The following IL21R variants were observed in gnomAD, a reference collection of about 807,000 sequenced individuals.
IL21R encodes the protein interleukin-21 receptor.
In IL21R, 14 loss-of-function variants were observed where a neutral mutation model predicts 41.3. The ratio of observed to expected loss-of-function variants is 0.34; its 90% CI spans 0.22 to 0.53. The LOEUF is 0.53. Ranked by LOEUF, IL21R falls within the 20% of genes least tolerant of loss-of-function variation. The pLI is 0.94. For synonymous variants in IL21R, 286 were observed against 287.6 expected, an observed-to-expected ratio of 0.99 and a Z score of 0.05; for missense variants, 588 against 681.6, an observed-to-expected ratio of 0.86 and a Z score of 1.53.
At chr16:27,418,006 ATTTTATTTAT>A (rs1374516737) in intron 1 of IL21R, among the ~76,000 whole-genome samples, 971 of 86,526 alleles carry the variant, frequency 0.011, 8 homozygotes, top group Admixed American at 0.024. Context: ...CATTTTTCCT[ATTTTATTTAT>A]TTTATTTTAT....
intron 4 of IL21R, among the ~76,000 whole-genome samples, chr16:27,439,619 T>TCA (rs3093350): frequency 0.15 from 22,097 of 150,976 alleles, 2,209 homozygotes; most frequent in African/African-American, 0.28. Flanking sequence ...ACGTGTACAC[T>TCA]CATGCACAGA....
intron 1 of IL21R, among the ~76,000 whole-genome samples, chr16:27,418,417 G>A (rs1310070375): frequency 2.0e-5 from 3 of 151,658 alleles, no homozygotes; most frequent in South Asian, 4.2e-4. Flanking sequence ...CACCCAGGCT[G>A]GAGTGCAGTG....
rs976531185 is a variant in IL21R at position 27,424,000 on chromosome 16, C to A, written c.-16-6056C>A. Among the ~76,000 whole-genome samples the A allele has an allele frequency of 2.0e-5, 3 of 152,174 alleles. No individual in the cohort carries two copies. In the South Asian group the frequency reaches 6.2e-4, roughly 32 times the overall value. ...TATCCTGAGCAATATGTGATGTCAT[C>A]AGACTTTCAGTTTTTGCCAATCCGA... is the stretch of plus-strand genomic sequence containing the variant. On this transcript the variant is annotated intron_variant, in intron 1 of 8. Transcript: ENST00000337929.
chr16:27,407,465 C>T (rs2086765433), intron 1 of IL21R, among the ~76,000 whole-genome samples: 1 of 152,196 alleles, frequency 6.6e-6, no homozygotes, highest in African/African-American at 2.4e-5. Context: ...GGGGGAAAAG[C>T]ATTCTAGGCA....
At chr16:27,445,044 C>A in intron 6 of IL21R, 133 bp from the exon 7 acceptor site, 1 of 674,364 alleles carries the variant, frequency 1.5e-6, no homozygotes, top group Non-Finnish European at 2.7e-6. Context: ...ATCCATCTCA[C>A]TTCAAGACAC....
chr16:27,449,693 C>T lies in IL21R; in HGVS notation c.*410C>T. ...TAGGGTCTTGTGTTGCAAGTTGGTC[C>T]ACAGCATCTCCGGGGCTTTGTGGGA... On this transcript the variant is annotated 3_prime_UTR_variant, in exon 9 of 9. Transcript: ENST00000337929. 3.9e-6 allele frequency: 1 copy of T among 254,896 alleles called. No homozygotes were observed. The highest frequency in any genetic ancestry group is 1.2e-3 in the Middle Eastern group (1 of 854). The allele number at this position is 254,896 out of a possible 1,614,324, so 15.8% of individuals were successfully genotyped here.
chr16:27,410,839 T>C (rs1404162114), intron 1 of IL21R, among the ~76,000 whole-genome samples: 1 of 152,216 alleles, frequency 6.6e-6, no homozygotes, highest in African/African-American at 2.4e-5. Context: ...CCTCCCCCAG[T>C]CCCTGGCAAT....
intron 8 of IL21R, 105 bp from the exon 9 acceptor site, chr16:27,448,429 T>G: frequency 2.4e-6 from 3 of 1,234,920 alleles, no homozygotes; most frequent in Non-Finnish European, 3.3e-6. Context: ...CATTCCAGCC[T>G]GGGCAGCAGA....
intron 1 of IL21R, among the ~76,000 whole-genome samples, chr16:27,418,285 G>T (rs868638798): frequency 3.3e-5 from 5 of 151,678 alleles, no homozygotes; most frequent in Admixed American, 2.6e-4. Context: ...AACCAGGATG[G>T]TCTCGATCTC....
intron 8 of IL21R, among the ~76,000 whole-genome samples, chr16:27,446,982 C>T (rs561758049): frequency 1.3e-5 from 2 of 152,302 alleles, no homozygotes; most frequent in East Asian, 3.9e-4. Context: ...AGACCTAGAC[C>T]ATTGATTGAG....
At chr16:27,438,948 G>A (rs2087321968) in intron 4 of IL21R, among the ~76,000 whole-genome samples, 1 of 152,050 alleles carries the variant, frequency 6.6e-6, no homozygotes, top group East Asian at 1.9e-4. Flanking sequence ...GTGTGTGTGT[G>A]TGTGTGTATG....
chr16:27,444,170 A>C (rs986169744), intron 5 of IL21R: 1 of 159,968 alleles, frequency 6.3e-6, no homozygotes, highest in Admixed American at 6.5e-5. Flanking sequence ...TCAGTAGTAC[A>C]TCGGTTGAGA....
At chr16:27,411,231 C>A (rs1220169447) in intron 1 of IL21R, among the ~76,000 whole-genome samples, 1 of 151,882 alleles carries the variant, frequency 6.6e-6, no homozygotes, top group Non-Finnish European at 1.5e-5. Context: ...CATCATTTTA[C>A]AATCCCACTA....
chr16:27,435,352 G>C (rs905374746), intron 3 of IL21R, among the ~76,000 whole-genome samples: 1 of 152,240 alleles, frequency 6.6e-6, no homozygotes, highest in Non-Finnish European at 1.5e-5. Context: ...CCAGGCCCCA[G>C]ATGCCTTGGA....
In IL21R at chr16:27,445,287, G is replaced by A. The variant is rs778023854; in HGVS notation, c.785+11G>A. On this transcript the variant is annotated intron_variant, in intron 7 of 8. Coordinates refer to ENST00000337929, the MANE Select transcript of IL21R (RefSeq NM_181078.3). ...CCATCCATTGTGGAGGTGAGGCCAGGGGATGAGGAAGGCAGGGAGGTGGTC... is the reference window on the plus strand; with the variant it reads ...CCATCCATTGTGGAGGTGAGGCCAGAGGATGAGGAAGGCAGGGAGGTGGTC... The A allele has an allele frequency of 6.3e-7, 1 of 1,595,336 alleles. No homozygotes were observed. The highest frequency in any genetic ancestry group is 8.6e-7 in the Non-Finnish European group (1 of 1,163,236).
At chr16:27,429,961 C>A (rs1389350433) in intron 1 of IL21R, 95 bp from the exon 2 acceptor site, 2 of 1,045,500 alleles carry the variant, frequency 1.9e-6, no homozygotes, top group Non-Finnish European at 2.8e-6. Flanking sequence ...TTCCAAGAAT[C>A]AGGGGCAAGT....
At chr16:27,407,541 C>T (rs1255966688) in intron 1 of IL21R, among the ~76,000 whole-genome samples, 2 of 152,160 alleles carry the variant, frequency 1.3e-5, no homozygotes, top group African/African-American at 4.8e-5. Flanking sequence ...AGCTTTTATC[C>T]TCGGCCAGGT....
rs868754700 is a variant in IL21R, at chr16:27,448,915, C to A, written c.1249C>A (p.Pro417Thr). Residue 417 changes from proline to threonine, a missense_variant, in exon 9 of 9, where the codon CCA becomes ACA. By Grantham distance (38) the Pro-to-Thr change is conservative. Coordinates refer to ENST00000337929, the MANE Select transcript of IL21R (RefSeq NM_181078.3). ...GLEPSPGLED[P>T]LLDAGTTVLS... Reference sequence around the variant, plus strand: ...GGAGCCCAGCCCAGGCCTAGAGGACCCACTCTTGGATGCAGGGACCACAGT... The same window carrying A: ...GGAGCCCAGCCCAGGCCTAGAGGACACACTCTTGGATGCAGGGACCACAGT... 6.2e-7 allele frequency: 1 copy of A among 1,612,190 alleles called. No individual in the cohort carries two copies. Among genetic ancestry groups the A allele is most frequent in the South Asian group, 1.1e-5 (1 of 90,988 alleles).
chr16:27,440,763 G>T (rs2087374745), intron 4 of IL21R, among the ~76,000 whole-genome samples: 2 of 152,198 alleles, frequency 1.3e-5, no homozygotes, highest in East Asian at 1.9e-4. Context: ...TGAAAGTGAA[G>T]AAGGTGGCTG....
Sources: allele counts gnomAD v4.1 joint callset (sites outside exome capture counted in the v4.1 genomes callset), GRCh38; gene constraint gnomAD v4.1.1; transcripts MANE v1.5; gene names NCBI Gene and HGNC (gene_info 2026-07-23, HGNC 2026-07-21).